Variants in MOB3B observed in about 807,000 individuals in gnomAD.
The protein encoded by MOB3B is MOB kinase activator-like 2B.
A neutral mutation model predicts 18.7 loss-of-function variants in MOB3B; 7 were observed. The ratio of observed to expected loss-of-function variants is 0.37; its 90% CI spans 0.21 to 0.70. The LOEUF (loss-of-function observed/expected upper bound fraction) is 0.70, where lower values mean the gene tolerates loss of function less well. Ranked by LOEUF, MOB3B falls within the 30% of genes least tolerant of loss-of-function variation. MOB3B has a pLI of 0.52. For synonymous variants in MOB3B, 111 were observed against 99.9 expected, an observed-to-expected ratio of 1.11 and a Z score of -0.66; for missense variants, 253 against 281.3, an observed-to-expected ratio of 0.90 and a Z score of 0.72.
chr9:27,529,171 G>A (rs1380747615), intron 1 of MOB3B, among the ~76,000 whole-genome samples: 1 of 152,222 alleles, frequency 6.6e-6, no homozygotes, highest in Non-Finnish European at 1.5e-5. Context: ...GCCACCCACA[G>A]CCCAACACGC....
chr9:27,359,354 G>A (rs879739215), intron 2 of MOB3B, 118 bp from the exon 3 acceptor site: 89 of 610,734 alleles, frequency 1.5e-4, no homozygotes, highest in Non-Finnish European at 2.3e-4. Flanking sequence ...ACCCGTCACA[G>A]GAGTCATAGG....
chr9:27,407,092 C>T (rs966466221), intron 2 of MOB3B, among the ~76,000 whole-genome samples: 3 of 152,138 alleles, frequency 2.0e-5, no homozygotes, highest in African/African-American at 7.2e-5. Context: ...CTGCCTCAGC[C>T]TCCCAAAGTG....
intron 3 of MOB3B, among the ~76,000 whole-genome samples, chr9:27,337,431 G>A (rs556933928): frequency 8.7e-4 from 132 of 152,208 alleles, no homozygotes; most frequent in Non-Finnish European, 1.8e-3. Flanking sequence ...AGCTGTGCTG[G>A]CGAGGTCTAT....
intron 2 of MOB3B, among the ~76,000 whole-genome samples, chr9:27,376,569 T>A (rs137880049): frequency 7.9e-5 from 12 of 152,354 alleles, no homozygotes; most frequent in African/African-American, 2.6e-4. Flanking sequence ...CAACCCTGGC[T>A]GTGCATTAGA....
intron 2 of MOB3B, among the ~76,000 whole-genome samples, chr9:27,382,715 G>T (rs1194287471): frequency 8.0e-5 from 2 of 24,920 alleles, no homozygotes; most frequent in Non-Finnish European, 1.9e-4. Context: ...AGAGGTGAAG[G>T]TGATATATAT....
At chr9:27,409,734 A>T (rs1004932148) in intron 2 of MOB3B, among the ~76,000 whole-genome samples, 3 of 152,220 alleles carry the variant, frequency 2.0e-5, no homozygotes, top group African/African-American at 7.2e-5. Context: ...TATATATATA[A>T]AATGAAATAT....
At chr9:27,347,005 TA>T (rs1440098392) in intron 3 of MOB3B, among the ~76,000 whole-genome samples, 1 of 151,952 alleles carries the variant, frequency 6.6e-6, no homozygotes, top group African/African-American at 2.4e-5. Context: ...CAAAATAAAA[TA>T]AAATAAACAG....
At chr9:27,343,730 G>T (rs1820991500) in intron 3 of MOB3B, among the ~76,000 whole-genome samples, 1 of 143,870 alleles carries the variant, frequency 7.0e-6, no homozygotes, top group Non-Finnish European at 1.5e-5. Context: ...AGCAGTACAG[G>T]GCATTTTATG....
At chr9:27,498,653 G>C (rs982285218) in intron 1 of MOB3B, among the ~76,000 whole-genome samples, 2 of 152,138 alleles carry the variant, frequency 1.3e-5, no homozygotes, top group African/African-American at 2.4e-5. Flanking sequence ...TTCTCATCTA[G>C]GTCAACAGAG....
intron 2 of MOB3B, among the ~76,000 whole-genome samples, chr9:27,365,162 C>CAAAAAAAAAAAAAAAAAAAAAAA (rs61043046): frequency 9.1e-6 from 1 of 109,790 alleles, no homozygotes; most frequent in Non-Finnish European, 1.8e-5. Context: ...TTGGGGGAGG[C>CAAAAAAAAAAAAAAAAAAAAAAA]AAAAAAAAAA....
At chr9:27,359,909 T>C (rs1297530405) in intron 2 of MOB3B, among the ~76,000 whole-genome samples, 1 of 152,222 alleles carries the variant, frequency 6.6e-6, no homozygotes, top group African/African-American at 2.4e-5. Flanking sequence ...TCTCAAACAC[T>C]GCTTAAGCTG....
intron 3 of MOB3B, among the ~76,000 whole-genome samples, chr9:27,332,105 A>G (rs895991974): frequency 2.0e-5 from 3 of 152,030 alleles, no homozygotes; most frequent in African/African-American, 7.3e-5. Context: ...CTATCCACCC[A>G]CCTCAGACTC....
At chr9:27,493,657 A>T (rs906482067) in intron 1 of MOB3B, among the ~76,000 whole-genome samples, 8 of 151,950 alleles carry the variant, frequency 5.3e-5, no homozygotes, top group Non-Finnish European at 8.8e-5. Context: ...AAAAAATTTC[A>T]TGGACACTTG....
At chr9:27,410,150 G>C (rs977713998) in intron 2 of MOB3B, among the ~76,000 whole-genome samples, 93 of 152,100 alleles carry the variant, frequency 6.1e-4, no homozygotes, top group Admixed American at 6.0e-3. Context: ...AGAAGAAATC[G>C]ATCCAAGAAC....
chr9:27,434,975 C>G (rs115998693), intron 2 of MOB3B, among the ~76,000 whole-genome samples: 1 of 152,122 alleles, frequency 6.6e-6, no homozygotes, highest in African/African-American at 2.4e-5. Context: ...ACTGTAGACA[C>G]AGGCAGAGCT....
intron 1 of MOB3B, among the ~76,000 whole-genome samples, chr9:27,480,156 C>CT (rs149547691): frequency 1.7e-4 from 25 of 148,610 alleles, no homozygotes; most frequent in African/African-American, 4.7e-4. Flanking sequence ...GAATGCATAA[C>CT]TTTTTTTTTT....
chr9:27,348,027 CTGGAGTGG>C (rs555138850), intron 3 of MOB3B, among the ~76,000 whole-genome samples: 5 of 152,140 alleles, frequency 3.3e-5, no homozygotes, highest in Non-Finnish European at 5.9e-5. Flanking sequence ...GACCAGGTTT[CTGGAGTGG>C]TGGAGTGGTG....
chr9:27,339,589 T>C (rs913006989), intron 3 of MOB3B, among the ~76,000 whole-genome samples: 4 of 152,218 alleles, frequency 2.6e-5, no homozygotes, highest in African/African-American at 9.6e-5. Context: ...AATCCTTACA[T>C]CAGTCTTATG....
At chr9:27,426,384 G>A (rs1822331055) in intron 2 of MOB3B, among the ~76,000 whole-genome samples, 2 of 152,190 alleles carry the variant, frequency 1.3e-5, no homozygotes. Flanking sequence ...TATAGTGTTG[G>A]GGTGCAGGGA....
Sources: allele counts gnomAD v4.1 joint callset (sites outside exome capture counted in the v4.1 genomes callset), GRCh38; gene constraint gnomAD v4.1.1; transcripts MANE v1.5; gene names NCBI Gene and HGNC (gene_info 2026-07-23, HGNC 2026-07-21).